GNB2: variants seen among roughly 807,000 people sequenced by gnomAD.
The protein encoded by GNB2 is guanine nucleotide-binding protein G(I)/G(S)/G(T) subunit beta-2.
GNB2 carries 7 observed loss-of-function variants against 40.7 expected under a neutral mutation model. That is an observed-to-expected ratio of 0.17 (90% CI 0.10 to 0.32). The LOEUF is 0.32. Among genes scored for constraint, GNB2 ranks in the 10% least tolerant of loss-of-function variants. The pLI is 1.00. For missense variants in GNB2, 286 were observed against 473.0 expected (o/e 0.60, Z 3.67); for synonymous variants, 254 against 191.2 (o/e 1.33, Z -2.71).
chr7:100,677,605 C>T lies in GNB2; in HGVS notation c.375C>T (p.Ser125=). 3.1e-6 allele frequency: 5 copies of T among 1,613,432 alleles called. No individual in the cohort carries two copies. Among genetic ancestry groups the T allele is most frequent in the Non-Finnish European group, 3.4e-6 (4 of 1,180,008 alleles). The change falls in exon 6 of 10, where the codon AGC becomes AGT. Residue 125 remains serine (S), a synonymous_variant. Coordinates refer to ENST00000303210, the MANE Select transcript of GNB2 (RefSeq NM_005273.4). ...TGGACAACATCTGCTCCATCTACAG[C>T]CTCAAGACCCGCGAGGGCAACGTCA... ...GGLDNICSIY[S]LKTREGNVRV... is the part of the protein sequence containing the mutation.
chr7:100,678,895 TTCCCCGG>T lies in GNB2; in HGVS notation c.*95_*101del. On this transcript the variant is annotated 3_prime_UTR_variant, in exon 10 of 10. Coordinates refer to ENST00000303210, the MANE Select transcript of GNB2 (RefSeq NM_005273.4). ...CGGGGCTGGCGCAATCCCAGCCCCCTTCCCCGGGCCACGGGGCCTTGGGTCCCTGCCC... is the reference window on the plus strand; with the variant it reads ...CGGGGCTGGCGCAATCCCAGCCCCCTGCCACGGGGCCTTGGGTCCCTGCCC... 1.0e-6 allele frequency: 1 copy of T among 993,056 alleles called. No homozygotes were observed. Among genetic ancestry groups the T allele is most frequent in the Non-Finnish European group, 1.5e-6 (1 of 658,226 alleles). The allele number at this position is 993,056 out of a possible 1,614,324, so 61.5% of individuals were successfully genotyped here.
rs950894957 is a variant in GNB2 at position 100,678,951 on chromosome 7, C to T, written c.*150C>T. On this transcript the variant is annotated 3_prime_UTR_variant, in exon 10 of 10. Transcript: ENST00000303210. ...CCTCCCACCCAGGTTTGGTTCCTCC[C>T]GGGGCCCCCACTGTGGAGATAAGAA... The T allele has an allele frequency of 2.5e-5, 16 of 630,488 alleles. No homozygotes were observed. Among genetic ancestry groups the T allele is most frequent in the East Asian group, 5.5e-5 (2 of 36,354 alleles). The allele number at this position is 630,488 out of a possible 1,614,324, so 39.1% of individuals were successfully genotyped here.
In GNB2 at chr7:100,673,785, C is replaced by G. The variant is rs1405029411; in HGVS notation, c.-228C>G. On this transcript the variant is annotated 5_prime_UTR_variant, in exon 1 of 10. Transcript: ENST00000303210. ...CGCTCTGGGGAGGCAGCGCTGGCGG[C>G]GGGGCTGGGGCCACTGAGGAAATCC... The G allele has an allele frequency of 5.7e-6, 1 of 174,724 alleles. No homozygotes were observed. Among genetic ancestry groups the G allele is most frequent in the South Asian group, 1.6e-4 (1 of 6,112 alleles). The allele number at this position is 174,724 out of a possible 1,614,324, so 10.8% of individuals were successfully genotyped here.
Position 100,678,452 on chromosome 7 carries a change from C to A in GNB2, c.754C>A (p.Leu252Ile). 1 of 1,613,850 alleles carries A rather than the reference C, an allele frequency of 6.2e-7. No individual in the cohort carries two copies. The highest frequency in any genetic ancestry group is 8.5e-7 in the Non-Finnish European group (1 of 1,180,026). The change falls in exon 9 of 10, where the codon CTC becomes ATC. Residue 252 changes from leucine (L) to isoleucine (I), a missense_variant. Coordinates refer to ENST00000303210, the MANE Select transcript of GNB2 (RefSeq NM_005273.4). Reference protein sequence around the residue: ...TTGSDDATCRLFDLRADQELL... With the variant: ...TTGSDDATCRIFDLRADQELL... ...CGGCTCTGACGACGCCACGTGCCGC[C>A]TCTTCGACCTGCGGGCCGATCAGGA...
Position 100,678,183 on chromosome 7 carries a change from G to T in GNB2, c.583G>T (p.Asp195Tyr), listed in dbSNP as rs79631023. 6.2e-7 allele frequency: 1 copy of T among 1,613,938 alleles called. No homozygotes were observed. The highest frequency in any genetic ancestry group is 8.5e-7 in the Non-Finnish European group (1 of 1,179,808). Reference protein sequence around the residue: ...GDVMSLSLAPDGRTFVSGACD... With the variant: ...GDVMSLSLAPYGRTFVSGACD... ...TGTGATGTCCCTGTCCCTGGCCCCC[G>T]ATGGCCGCACGTTTGTGTCAGGCGC... The change falls in exon 8 of 10, where the codon GAT (aspartate) becomes TAT (tyrosine). Residue 195 changes from aspartate to tyrosine, a missense_variant. Coordinates refer to ENST00000303210, the MANE Select transcript of GNB2 (RefSeq NM_005273.4).
At chr7:100,677,706 GCA>G in intron 6 of GNB2, 44 bp from the exon 7 acceptor site, 1 of 1,612,016 alleles carries the variant, frequency 6.2e-7, no homozygotes, top group Non-Finnish European at 8.5e-7. Flanking sequence ...GTTGGGGGGT[GCA>G]CTGCCCTCCG....
chr7:100,674,510 G>A (rs1455691800), intron 1 of GNB2, among the ~76,000 whole-genome samples: 9 of 149,510 alleles, frequency 6.0e-5, no homozygotes, highest in Non-Finnish European at 8.9e-5. Flanking sequence ...CCAGGCGCCC[G>A]CCCCCCGCCC....
At position 100,673,775 on chromosome 7, in the gene GNB2, G is replaced by T. The variant is rs751606924; in HGVS notation, c.-238G>T. ...GGGATCCCTCCGCTCTGGGGAGGCA[G>T]CGCTGGCGGCGGGGCTGGGGCCACT... On this transcript the variant is annotated 5_prime_UTR_variant, in exon 1 of 10. Coordinates refer to ENST00000303210, the MANE Select transcript of GNB2 (RefSeq NM_005273.4). The T allele has an allele frequency of 4.7e-4, 82 of 173,170 alleles. 1 individual carries two copies. The highest frequency in any genetic ancestry group is 8.3e-4 in the Non-Finnish European group (70 of 84,476). 10.7% of individuals were successfully genotyped at this position (173,170 alleles called of 1,614,324 possible).
At chr7:100,674,284 A>AGCACCCCTCGTGTCCTCCACTGTC (rs1202815371) in intron 1 of GNB2, among the ~76,000 whole-genome samples, 1 of 57,512 alleles carries the variant, frequency 1.7e-5, no homozygotes, top group African/African-American at 7.0e-5. Flanking sequence ...GCCCCCGGGG[A>AGCACCCCTCGTGTCCTCCACTGTC]GCACCCCTCG....
Position 100,679,107 on chromosome 7 carries a change from GTTTT to G in GNB2, c.*307_*310del. On this transcript the variant is annotated 3_prime_UTR_variant, in exon 10 of 10. Coordinates refer to ENST00000303210, the MANE Select transcript of GNB2 (RefSeq NM_005273.4). ...CCAGGGGCTGGCTTTTTTAAAACTGGTTTTATTTTAATTTTTATTATATTTTCAG... is the reference window on the plus strand; with the variant it reads ...CCAGGGGCTGGCTTTTTTAAAACTGGATTTTAATTTTTATTATATTTTCAG... 2 of 349,322 alleles carry G rather than the reference GTTTT, an allele frequency of 5.7e-6. No homozygotes were observed. The highest frequency in any genetic ancestry group is 9.1e-5 in the South Asian group (1 of 11,002). 21.6% of individuals were successfully genotyped at this position (349,322 alleles called of 1,614,324 possible).
intron 7 of GNB2, 89 bp downstream of exon 7, chr7:100,677,907 A>G (rs1804390129): frequency 3.3e-6 from 4 of 1,215,984 alleles, no homozygotes; most frequent in Non-Finnish European, 4.8e-6. Context: ...TGCAGCATGC[A>G]CCGTAGCCTC....
chr7:100,677,684 G>A (rs1382563236), intron 6 of GNB2, 24 bp downstream of exon 6: 1 of 1,613,090 alleles, frequency 6.2e-7, no homozygotes, highest in Non-Finnish European at 8.5e-7. Context: ...CCCAGTTCGG[G>A]CCCTTTTTGG....
In GNB2 at chr7:100,677,149, C is replaced by T. The variant is rs989067491; in HGVS notation, c.204-203C>T. 7 of 602,324 alleles carry T rather than the reference C, an allele frequency of 1.2e-5. No homozygotes were observed. The Admixed American group carries it at 1.7e-4, about 15-fold the overall frequency. The allele number at this position is 602,324 out of a possible 1,614,324, so 37.3% of individuals were successfully genotyped here. ...ATGAGCTGGGTGTGGTGGTGCTCAC[C>T]TTGTAGTCCCAGCTATGCGGGGGAG... On this transcript the variant is annotated intron_variant, in intron 4 of 9. Coordinates refer to ENST00000303210, the MANE Select transcript of GNB2 (RefSeq NM_005273.4).
At chr7:100,675,287 TCGAGAGCGGCTCCCACGGGCTTTCTG>T (rs1562857076) in intron 1 of GNB2, 1 of 151,872 alleles carries the variant, frequency 6.6e-6, no homozygotes, top group East Asian at 1.9e-4. Flanking sequence ...CCGTAATTAC[TCGAGAGCGGCTCCCACGGGCTTTCTG>T]CGGGCGCGGC....
In GNB2 at chr7:100,678,415, C is replaced by T. The variant is rs2272573; in HGVS notation, c.717C>T (p.Tyr239=). Residue 239 remains tyrosine, a synonymous_variant, in exon 9 of 10, where the codon TAC becomes TAT. Coordinates refer to ENST00000303210, the MANE Select transcript of GNB2 (RefSeq NM_005273.4). The stretch of plus-strand genomic sequence containing the variant: ...TCCTGCAGTTCTTCCCCAACGGCTA[C>T]GCCTTCACCACCGGCTCTGACGACG... ...INAVAFFPNG[Y]AFTTGSDDAT... 2.2e-3 allele frequency: 3,570 copies of T among 1,613,394 alleles called. 137 individuals carry two copies. The East Asian group carries it at 0.075, about 34-fold the overall frequency.
Position 100,676,673 on chromosome 7 carries a change from C to A in GNB2, c.97-20C>A. Reference sequence around the variant, plus strand: ...CCTGCTGCCTGGGCCTCCCCGAGCGCATTCTGTCTCTACCTCCAGATCACA... The same window carrying A: ...CCTGCTGCCTGGGCCTCCCCGAGCGAATTCTGTCTCTACCTCCAGATCACA... On this transcript the variant is annotated intron_variant, in intron 3 of 9. Transcript: ENST00000303210. The A allele has an allele frequency of 6.3e-7, 1 of 1,583,554 alleles. No individual in the cohort carries two copies. The highest frequency in any genetic ancestry group is 8.7e-7 in the Non-Finnish European group (1 of 1,152,374).
rs111509272 is a variant in GNB2 at position 100,676,401 on chromosome 7, G to A, written c.57+79G>A. The A allele has an allele frequency of 1.8e-5, 24 of 1,338,036 alleles. No individual in the cohort carries two copies. In the South Asian group the frequency reaches 2.8e-4, roughly 15 times the overall value. The allele number at this position is 1,338,036 out of a possible 1,614,324, so 82.9% of individuals were successfully genotyped here. Reference sequence around the variant, plus strand: ...GACCGGGTTGGGTGAGGGTGTTGGTGGGGGAAGGGGGAGGGAGGGCCCCTT... The same window carrying A: ...GACCGGGTTGGGTGAGGGTGTTGGTAGGGGAAGGGGGAGGGAGGGCCCCTT... On this transcript the variant is annotated intron_variant, in intron 2 of 9. Coordinates refer to ENST00000303210, the MANE Select transcript of GNB2 (RefSeq NM_005273.4).
At position 100,679,010 on chromosome 7, in the gene GNB2, G is replaced by A. The variant is rs540907185; in HGVS notation, c.*209G>A. ...AATGGGGGAAGAGGAGGAGCAGGAG[G>A]CCCTCATCCTTCTGCTGCCCTGGGG... On this transcript the variant is annotated 3_prime_UTR_variant, in exon 10 of 10. Coordinates refer to ENST00000303210, the MANE Select transcript of GNB2 (RefSeq NM_005273.4). The A allele has an allele frequency of 3.6e-6, 2 of 561,310 alleles. No individual in the cohort carries two copies. Among genetic ancestry groups the A allele is most frequent in the Admixed American group, 3.1e-5 (1 of 31,826 alleles). The allele number at this position is 561,310 out of a possible 1,614,324, so 34.8% of individuals were successfully genotyped here.
intron 1 of GNB2, among the ~76,000 whole-genome samples, chr7:100,674,127 C>T (rs997886590): frequency 5.7e-4 from 87 of 152,222 alleles, no homozygotes; most frequent in African/African-American, 1.9e-3. Flanking sequence ...GCGTGCGCTT[C>T]CCCGCACCAT....
Sources: allele counts gnomAD v4.1 joint callset (sites outside exome capture counted in the v4.1 genomes callset), GRCh38; gene constraint gnomAD v4.1.1; transcripts MANE v1.5; gene names NCBI Gene and HGNC (gene_info 2026-07-23, HGNC 2026-07-21).